Variants in ADAMTS12 observed in about 807,000 individuals in gnomAD.
The protein encoded by ADAMTS12 is ADAM metallopeptidase with thrombospondin type 1 motif 12, also known as A disintegrin and metalloproteinase with thrombospondin motifs 12.
Under a neutral mutation model 167.8 loss-of-function variants are expected in ADAMTS12, and 118 were observed. The ratio of observed to expected loss-of-function variants is 0.70; its 90% CI spans 0.61 to 0.82. The LOEUF (loss-of-function observed/expected upper bound fraction) is 0.82. Ranked by LOEUF, ADAMTS12 falls within the 40% of genes least tolerant of loss-of-function variation. ADAMTS12 has a pLI of 0.00. For missense variants in ADAMTS12, 1,916 were observed against 1,998.8 expected, an observed-to-expected ratio of 0.96 and a Z score of 0.79; for synonymous variants, 704 against 716.9, an observed-to-expected ratio of 0.98 and a Z score of 0.29.
intron 19 of ADAMTS12, among the ~76,000 whole-genome samples, chr5:33,571,135 A>T (rs1477878408): frequency 6.6e-6 from 1 of 152,206 alleles, no homozygotes; most frequent in Non-Finnish European, 1.5e-5. Context: ...AGACTCCCAC[A>T]CAATAATAAT....
intron 2 of ADAMTS12, among the ~76,000 whole-genome samples, chr5:33,822,299 T>A (rs1747896138): frequency 6.6e-6 from 1 of 152,178 alleles, no homozygotes; most frequent in South Asian, 2.1e-4. Context: ...GCTCTCTAAG[T>A]GGCCAACCTC....
chr5:33,683,177 G>A, intron 4 of ADAMTS12, 76 bp from the exon 5 acceptor site: 1 of 1,142,528 alleles, frequency 8.8e-7, no homozygotes, highest in Non-Finnish European at 1.3e-6. Context: ...AAATAGCATT[G>A]TAATGCACAT....
intron 16 of ADAMTS12, among the ~76,000 whole-genome samples, chr5:33,599,280 C>A (rs935655602): frequency 1.3e-5 from 2 of 152,230 alleles, no homozygotes; most frequent in Admixed American, 6.5e-5. Context: ...AAAGAACACT[C>A]AATAAATGTG....
At chr5:33,663,283 G>A (rs189866200) in intron 5 of ADAMTS12, among the ~76,000 whole-genome samples, 4 of 152,286 alleles carry the variant, frequency 2.6e-5, no homozygotes, top group African/African-American at 9.6e-5. Context: ...GACGAGCTGG[G>A]AATGAGGGAG....
At position 33,805,633 on chromosome 5, in the gene ADAMTS12, T is replaced by C. The variant is rs146324044; in HGVS notation, c.490-54085A>G. 6.3e-3 allele frequency among the ~76,000 whole-genome samples: 959 copies of C among 152,336 alleles called. 8 individuals are homozygous for C. Among genetic ancestry groups the C allele is most frequent in the African/African-American group, 0.022 (903 of 41,564 alleles). ...GGAGGCTTTCATCAAGCTCACAGAA[T>C]AGACCTATGCACTATTTTTGTGTCT... On this transcript the variant is annotated intron_variant, in intron 2 of 23. Transcript: ENST00000504830.
intron 2 of ADAMTS12, among the ~76,000 whole-genome samples, chr5:33,778,889 A>G (rs1579927947): frequency 6.6e-6 from 1 of 152,152 alleles, no homozygotes; most frequent in East Asian, 1.9e-4. Flanking sequence ...AAGAAAACAT[A>G]CAAGCAACCA....
intron 5 of ADAMTS12, among the ~76,000 whole-genome samples, chr5:33,679,788 G>A (rs549421629): frequency 1.3e-5 from 2 of 152,342 alleles, no homozygotes; most frequent in South Asian, 4.1e-4. Context: ...ACCACAAGGT[G>A]TGACATATGC....
At chr5:33,727,663 T>C (rs1298066622) in intron 3 of ADAMTS12, among the ~76,000 whole-genome samples, 1 of 152,200 alleles carries the variant, frequency 6.6e-6, no homozygotes, top group African/African-American at 2.4e-5. Flanking sequence ...AAGCTGTTTA[T>C]GCTTGAGGCT....
chr5:33,679,914 C>G (rs968588213), intron 5 of ADAMTS12, among the ~76,000 whole-genome samples: 1 of 152,206 alleles, frequency 6.6e-6, no homozygotes, highest in African/African-American at 2.4e-5. Flanking sequence ...AGTCACAGCA[C>G]TGAACCTCAC....
intron 19 of ADAMTS12, 26 bp downstream of exon 19, chr5:33,576,028 C>G (rs1467592786): frequency 1.3e-6 from 2 of 1,572,624 alleles, no homozygotes; most frequent in Non-Finnish European, 1.7e-6. Context: ...CATGTAAAAC[C>G]AGGCCAGGGG....
chr5:33,755,574 T>C (rs971001323), intron 2 of ADAMTS12, among the ~76,000 whole-genome samples: 2 of 152,182 alleles, frequency 1.3e-5, no homozygotes, highest in Non-Finnish European at 2.9e-5. Context: ...ACTGACAGCA[T>C]CTTATATGGA....
chr5:33,615,684 C>G, intron 15 of ADAMTS12, 144 bp downstream of exon 15: 1 of 1,169,812 alleles, frequency 8.5e-7, no homozygotes, highest in Non-Finnish European at 1.2e-6. Flanking sequence ...ACAGCACAAA[C>G]TAATATCTCA....
chr5:33,651,261 C>T (rs964298426), intron 7 of ADAMTS12, among the ~76,000 whole-genome samples: 6 of 152,164 alleles, frequency 3.9e-5, no homozygotes, highest in Admixed American at 3.9e-4. Flanking sequence ...GTTCTAAAAA[C>T]CTACATGAAT....
intron 2 of ADAMTS12, among the ~76,000 whole-genome samples, chr5:33,797,472 C>T (rs1746824008): frequency 7.7e-6 from 1 of 129,910 alleles, no homozygotes; most frequent in Admixed American, 7.4e-5. Context: ...ATCTGAAACA[C>T]AGGAGAAAGA....
At chr5:33,653,492 TTGTC>T (rs1303048653) in intron 7 of ADAMTS12, among the ~76,000 whole-genome samples, 2 of 152,280 alleles carry the variant, frequency 1.3e-5, no homozygotes, top group Non-Finnish European at 2.9e-5. Context: ...TGCATTGTCT[TTGTC>T]TGAAATTAGT....
At chr5:33,884,028 G>T (rs772989305) in intron 1 of ADAMTS12, among the ~76,000 whole-genome samples, 2 of 152,114 alleles carry the variant, frequency 1.3e-5, no homozygotes, top group Non-Finnish European at 2.9e-5. Flanking sequence ...ACAGTGAAGG[G>T]AGTTGGGTCA....
intron 13 of ADAMTS12, among the ~76,000 whole-genome samples, chr5:33,627,267 GGTA>G (rs1739701209): frequency 6.7e-6 from 1 of 149,482 alleles, no homozygotes; most frequent in Admixed American, 6.6e-5. Flanking sequence ...TGGAGGTAGA[GGTA>G]GTGGTGGTTA....
At chr5:33,757,764 G>C (rs1745218202) in intron 2 of ADAMTS12, among the ~76,000 whole-genome samples, 1 of 152,224 alleles carries the variant, frequency 6.6e-6, no homozygotes. Context: ...TTGAGCCCCA[G>C]TTGTCTCATC....
intron 11 of ADAMTS12, among the ~76,000 whole-genome samples, chr5:33,639,209 ATTTTTT>A (rs1046732273): frequency 6.6e-6 from 1 of 152,000 alleles, no homozygotes; most frequent in Non-Finnish European, 1.5e-5. Flanking sequence ...AACTGAGAGC[ATTTTTT>A]TTGGTTATCG....
Sources: gnomAD v4.1 joint callset for allele counts (sites outside exome capture counted in the v4.1 genomes callset) on GRCh38, gnomAD v4.1.1 for gene constraint, MANE v1.5 for transcripts, NCBI Gene and HGNC (gene_info 2026-07-23, HGNC 2026-07-21) for gene names.